CEP250: variants seen among roughly 807,000 people sequenced by gnomAD.
CEP250 encodes the protein centrosome-associated protein CEP250.
A neutral mutation model predicts 315.7 loss-of-function variants in CEP250; 242 were observed. The ratio of observed to expected loss-of-function variants is 0.77; its 90% CI spans 0.69 to 0.85. The LOEUF (loss-of-function observed/expected upper bound fraction) is 0.85. Among genes scored for constraint, CEP250 ranks in the 40% least tolerant of loss-of-function variants. The pLI is 0.00. For missense variants in CEP250, 2,515 were observed against 2,886.4 expected (o/e 0.87, Z 2.95); for synonymous variants, 1,088 against 1,175.0 (o/e 0.93, Z 1.51).
chr20:35,470,946 T>C (rs2063010450), intron 10 of CEP250, among the ~76,000 whole-genome samples: 1 of 152,184 alleles, frequency 6.6e-6, no homozygotes. Context: ...AGAGGGCTTC[T>C]CTAAGGTTGG....
chr20:35,518,995 T>G lies in CEP250; in HGVS notation c.*7369T>G, dbSNP rs1377915452. 6.7e-6 allele frequency: 1 copy of G among 150,144 alleles called. No individual in the cohort carries two copies. The highest frequency in any genetic ancestry group is 1.5e-5 in the Non-Finnish European group (1 of 67,726). The allele number at this position is 150,144 out of a possible 1,614,324, so 9.3% of individuals were successfully genotyped here. On this transcript the variant is annotated 3_prime_UTR_variant, in exon 35 of 35. Coordinates refer to ENST00000397527, the MANE Select transcript of CEP250 (RefSeq NM_007186.6). Reference sequence around the variant, plus strand: ...TTGCAGTGAGCTGAGATCGCGTCACTGCACTCCAGCCTGGGTGGCAGAGCA... The same window carrying G: ...TTGCAGTGAGCTGAGATCGCGTCACGGCACTCCAGCCTGGGTGGCAGAGCA...
rs768501038 is a variant in CEP250 at position 35,467,311 on chromosome 20, A to T, written c.607A>T (p.Met203Leu). 6.2e-7 allele frequency: 1 copy of T among 1,612,324 alleles called. No individual in the cohort carries two copies. The highest frequency in any genetic ancestry group is 1.3e-5 in the African/African-American group (1 of 74,832). Residue 203 changes from methionine (M) to leucine (L), a missense_variant, in exon 9 of 35, where the codon ATG (methionine) becomes TTG (leucine). By Grantham distance (15) the Met-to-Leu change is conservative. Coordinates refer to ENST00000397527, the MANE Select transcript of CEP250 (RefSeq NM_007186.6). ...TTCCTTGCTTGTACTCAGAGATCTG[A>T]TGGAGCTAAAAGCTGAGCATGTGAG... is the stretch of plus-strand genomic sequence containing the variant. The part of the protein sequence containing the change: ...EMKSATDRDL[M>L]ELKAEHVRLS...
chr20:35,509,233 G>A (rs1401934375), intron 33 of CEP250, among the ~76,000 whole-genome samples, 189 bp downstream of exon 33: 2 of 152,184 alleles, frequency 1.3e-5, no homozygotes, highest in Non-Finnish European at 2.9e-5. Flanking sequence ...CAACATTGGG[G>A]TGGGGGTTGG....
At position 35,504,482 on chromosome 20, in the gene CEP250, A is replaced by G. The variant is rs753363558; in HGVS notation, c.6113A>G (p.Gln2038Arg). The change falls in exon 30 of 35, where the codon CAG becomes CGG. Residue 2038 changes from glutamine (Q) to arginine (R), a missense_variant. Gln to Arg is a conservative substitution (Grantham distance 43). Transcript: ENST00000397527. ...DQDLRYQEDV[Q>R]QLQQALAQRD... ...GATCTCCGATACCAGGAGGATGTGCAGCAGCTGCAGCAGGCACTTGCCCAG... is the reference window on the plus strand; with the variant it reads ...GATCTCCGATACCAGGAGGATGTGCGGCAGCTGCAGCAGGCACTTGCCCAG... The G allele has an allele frequency of 6.2e-7, 1 of 1,613,686 alleles. No homozygotes were observed. The highest frequency in any genetic ancestry group is 2.2e-5 in the East Asian group (1 of 44,886).
intron 31 of CEP250, 59 bp from the exon 32 acceptor site, chr20:35,507,976 G>T (rs939185319): frequency 1.9e-6 from 3 of 1,609,952 alleles, no homozygotes; most frequent in African/African-American, 1.3e-5. Flanking sequence ...TGTGTCCTCT[G>T]TCTGTTCCCT....
chr20:35,503,934 G>C lies in CEP250; in HGVS notation c.5565G>C (p.Lys1855Asn), dbSNP rs775263043. ...TGGAGCAAGCCCATATGACACTGAAGGAGCGTCATGGAGAGCTTCAGGACC... is the reference window on the plus strand; with the variant it reads ...TGGAGCAAGCCCATATGACACTGAACGAGCGTCATGGAGAGCTTCAGGACC... ...GALEQAHMTL[K>N]ERHGELQDHK... Residue 1855 changes from lysine (K) to asparagine (N), a missense_variant, in exon 30 of 35, where the codon AAG becomes AAC. Physicochemically the swap from Lys to Asn is moderately conservative, Grantham distance 94 (BLOSUM62 0). Coordinates refer to ENST00000397527, the MANE Select transcript of CEP250 (RefSeq NM_007186.6). This position sits in a 1 kb window ranked among gnomAD's most constrained non-coding sequence, Gnocchi z 4.2. 1 of 1,613,386 alleles carries C rather than the reference G, an allele frequency of 6.2e-7. No homozygotes were observed. Among genetic ancestry groups the C allele is most frequent in the South Asian group, 1.1e-5 (1 of 91,014 alleles).
intron 32 of CEP250, 109 bp from the exon 33 acceptor site, chr20:35,508,821 TCTTCCCATGGTTA>T: frequency 1.3e-6 from 1 of 751,724 alleles, no homozygotes; most frequent in Admixed American, 2.5e-5. Flanking sequence ...CCAGGAGTTC[TCTTCCCATGGTTA>T]CTGTCCCCTC....
In CEP250 at chr20:35,473,389, C is replaced by G; in HGVS notation, c.1225C>G (p.Leu409Val). The G allele has an allele frequency of 6.2e-7, 1 of 1,613,542 alleles. No individual in the cohort carries two copies. Among genetic ancestry groups the G allele is most frequent in the Non-Finnish European group, 8.5e-7 (1 of 1,179,616 alleles). ...RQAVQDLRQQ[L>V]AGCQEAVNLL... ...CTCTCCACAGGACCTAAGGCAGCAGCTTGCAGGCTGTCAAGAGGCTGTGAA... is the reference window on the plus strand; with the variant it reads ...CTCTCCACAGGACCTAAGGCAGCAGGTTGCAGGCTGTCAAGAGGCTGTGAA... Residue 409 changes from leucine (L) to valine (V), a missense_variant, in exon 13 of 35, where the codon CTT becomes GTT. Transcript: ENST00000397527.
intron 12 of CEP250, among the ~76,000 whole-genome samples, chr20:35,473,145 C>A (rs540330013): frequency 6.6e-6 from 1 of 152,238 alleles, no homozygotes; most frequent in South Asian, 2.1e-4. Context: ...GGCACACTTA[C>A]CACTCCCCCA....
In CEP250 at chr20:35,517,341, G is replaced by A. The variant is rs1339318955; in HGVS notation, c.*5715G>A. ...TGGCAATCAAGGGTGATGGAGATAAGAATGAAAAGGGGCACCACCCTGTGC... is the reference window on the plus strand; with the variant it reads ...TGGCAATCAAGGGTGATGGAGATAAAAATGAAAAGGGGCACCACCCTGTGC... On this transcript the variant is annotated 3_prime_UTR_variant, in exon 35 of 35. Coordinates refer to ENST00000397527, the MANE Select transcript of CEP250 (RefSeq NM_007186.6). The A allele has an allele frequency of 6.6e-6, 1 of 152,230 alleles. No individual in the cohort carries two copies. The highest frequency in any genetic ancestry group is 1.5e-5 in the Non-Finnish European group (1 of 68,080). 9.4% of individuals were successfully genotyped at this position (152,230 alleles called of 1,614,324 possible).
In CEP250 at chr20:35,507,862, G is replaced by T; in HGVS notation, c.6750+11G>T. On this transcript the variant is annotated intron_variant, in intron 31 of 34. Transcript: ENST00000397527. ...GTGCAGCTGGGAGAGGTGAGCTGGG[G>T]GCTCTGGGGGAACAGGTGACCCAGC... The T allele has an allele frequency of 6.2e-7, 1 of 1,609,004 alleles. No individual in the cohort carries two copies. The highest frequency in any genetic ancestry group is 1.1e-5 in the South Asian group (1 of 90,702).
chr20:35,469,267 A>G (rs1425167600), intron 9 of CEP250, among the ~76,000 whole-genome samples: 2 of 152,178 alleles, frequency 1.3e-5, no homozygotes. Context: ...ACTGTATTCC[A>G]GCCTGGGCAA....
Position 35,503,965 on chromosome 20 carries a change from G to C in CEP250, c.5596G>C (p.Glu1866Gln). Residue 1866 changes from glutamate to glutamine, a missense_variant, in exon 30 of 35, where the codon GAA becomes CAA. Glu to Gln is a conservative substitution (Grantham distance 29). Transcript: ENST00000397527. The surrounding 1 kb of genome is among the most constrained non-coding windows in gnomAD (Gnocchi z 4.2). ...TCATGGAGAGCTTCAGGACCACAAG[G>C]AACAGGCACGAAGGCTGGAGGAAGA... ...ERHGELQDHKEQARRLEEELA... is the reference protein window; with the variant it reads ...ERHGELQDHKQQARRLEEELA... 1.2e-6 allele frequency: 2 copies of C among 1,612,164 alleles called. No homozygotes were observed. The highest frequency in any genetic ancestry group is 1.7e-6 in the Non-Finnish European group (2 of 1,178,820).
chr20:35,483,140 G>T (rs1477300964), intron 20 of CEP250, among the ~76,000 whole-genome samples: 1 of 151,704 alleles, frequency 6.6e-6, no homozygotes, highest in Non-Finnish European at 1.5e-5. Flanking sequence ...GACCAACATG[G>T]AGAAACCCCG....
At chr20:35,485,486 G>T (rs1309649026) in intron 20 of CEP250, among the ~76,000 whole-genome samples, 1 of 151,408 alleles carries the variant, frequency 6.6e-6, no homozygotes, top group Non-Finnish European at 1.5e-5. Flanking sequence ...CCAGATTTTT[G>T]TTTGTTTGCT....
At position 35,491,267 on chromosome 20, in the gene CEP250, C is replaced by T. The variant is rs780172188; in HGVS notation, c.2810C>T (p.Thr937Met). 1.6e-5 allele frequency: 26 copies of T among 1,608,116 alleles called. 1 individual carries two copies. Among genetic ancestry groups the T allele is most frequent in the South Asian group, 7.8e-5 (7 of 89,900 alleles). The change falls in exon 22 of 35, where the codon ACG becomes ATG. Residue 937 changes from threonine to methionine, a missense_variant. Coordinates refer to ENST00000397527, the MANE Select transcript of CEP250 (RefSeq NM_007186.6). ...TCCCTCCTGGAGACACTGCTGCAGACGCAGAAGGAGCTAGCAGATGCCAGC... is the reference window on the plus strand; with the variant it reads ...TCCCTCCTGGAGACACTGCTGCAGATGCAGAAGGAGCTAGCAGATGCCAGC... The part of the protein sequence containing the change: ...RVSLLETLLQ[T>M]QKELADASQQ...
intron 27 of CEP250, 129 bp from the exon 28 acceptor site, chr20:35,499,920 C>T: frequency 8.7e-7 from 1 of 1,155,310 alleles, no homozygotes; most frequent in Non-Finnish European, 1.3e-6. Flanking sequence ...AGGAAGTAAC[C>T]CGGCAATCTG....
chr20:35,502,322 AG>A (rs2064029915), intron 29 of CEP250, 67 bp from the exon 30 acceptor site: 2 of 1,328,602 alleles, frequency 1.5e-6, no homozygotes, highest in African/African-American at 2.9e-5. Flanking sequence ...AAGAAAGAGA[AG>A]GGTCGGTGTT....
rs1353742916 is a variant in CEP250 at position 35,518,909 on chromosome 20, T to TG, written c.*7284dup. 6.6e-6 allele frequency: 1 copy of TG among 151,712 alleles called. No individual in the cohort carries two copies. Among genetic ancestry groups the TG allele is most frequent in the Non-Finnish European group, 1.5e-5 (1 of 67,980 alleles). 9.4% of individuals were successfully genotyped at this position (151,712 alleles called of 1,614,324 possible). A position where few individuals can be genotyped will look rare whatever the true frequency, so the allele number is the denominator to read the frequency against. On this transcript the variant is annotated 3_prime_UTR_variant, in exon 35 of 35. Transcript: ENST00000397527. ...TAGCCGGGGGTGGCGGTGTGCACCT[T>TG]GTAGTCCCAGCTACTCAGGAGGCTG...
Sources: gnomAD v4.1 joint callset for allele counts (sites outside exome capture counted in the v4.1 genomes callset) on GRCh38, gnomAD v4.1.1 for gene constraint, Gnocchi (gnomAD v3.1) non-coding constraint, MANE v1.5 for transcripts, NCBI Gene and HGNC (gene_info 2026-07-23, HGNC 2026-07-21) for gene names.